Variants in PARN observed in about 807,000 individuals in gnomAD.
The protein encoded by PARN is poly(A)-specific ribonuclease PARN.
In PARN, 71 loss-of-function variants were observed where a neutral mutation model predicts 102.8. The ratio of observed to expected loss-of-function variants is 0.69; its 90% confidence interval spans 0.57 to 0.84. The LOEUF (loss-of-function observed/expected upper bound fraction) is 0.84. Among genes scored for constraint, PARN ranks in the 40% least tolerant of loss-of-function variants. The pLI is 0.00. For synonymous variants in PARN, 261 were observed against 252.9 expected (o/e 1.03, Z -0.30); for missense variants, 782 against 760.9 (o/e 1.03, Z -0.33).
intron 2 of PARN, among the ~76,000 whole-genome samples, 195 bp from the exon 3 acceptor site, chr16:14,628,446 T>C (rs1046154002): frequency 1.3e-5 from 2 of 152,222 alleles, no homozygotes; most frequent in African/African-American, 4.8e-5. Context: ...AACTTAGAGA[T>C]GCGAATGTTT....
At chr16:14,486,528 G>C (rs1963707356) in intron 21 of PARN, among the ~76,000 whole-genome samples, 1 of 152,246 alleles carries the variant, frequency 6.6e-6, no homozygotes, top group Non-Finnish European at 1.5e-5. Flanking sequence ...TCAGCTCCCA[G>C]CTGATAGACA....
intron 1 of PARN, 110 bp downstream of exon 1, chr16:14,629,997 G>A: frequency 1.0e-6 from 1 of 1,001,790 alleles, no homozygotes; most frequent in Non-Finnish European, 1.5e-6. Flanking sequence ...AAAGCCCTGA[G>A]GGGCTGCCTC....
At position 14,628,207 on chromosome 16, in the gene PARN, CA is replaced by C; in HGVS notation, c.141del (p.Phe47LeufsTer38). ...GPSVSALTNG[F>X]DTPEERYQKL... is the part of the protein sequence containing the mutation. ...TTCTGATACCTCTCTTCTGGAGTGT[CA>C]AAACCATTTGTTAATGCAGAGACTG... On this transcript the variant is annotated frameshift_variant, in exon 3 of 24. Transcript: ENST00000437198. LOFTEE classifies it high-confidence loss of function. 2.5e-6 allele frequency: 4 copies of C among 1,607,994 alleles called. No individual in the cohort carries two copies. The highest frequency in any genetic ancestry group is 3.4e-6 in the Non-Finnish European group (4 of 1,175,044).
At chr16:14,565,058 C>T (rs1392953731) in intron 18 of PARN, 1 of 152,176 alleles carries the variant, frequency 6.6e-6, no homozygotes, top group East Asian at 1.9e-4. Flanking sequence ...CTTGGTATTT[C>T]CTTCAGGGCA....
chr16:14,440,492 C>T (rs1188133255), intron 23 of PARN, among the ~76,000 whole-genome samples: 1 of 152,084 alleles, frequency 6.6e-6, no homozygotes, highest in Admixed American at 6.6e-5. Context: ...CCCAGCAACC[C>T]CACTCCTAGA....
At chr16:14,567,123 T>C (rs923622828) in intron 18 of PARN, among the ~76,000 whole-genome samples, 4 of 152,196 alleles carry the variant, frequency 2.6e-5, no homozygotes, top group African/African-American at 9.7e-5. Flanking sequence ...CTTTTTATCA[T>C]GGTAACTTGG....
intron 5 of PARN, among the ~76,000 whole-genome samples, chr16:14,618,644 G>C (rs1391233609): frequency 6.7e-6 from 1 of 148,492 alleles, no homozygotes; most frequent in Non-Finnish European, 1.5e-5. Context: ...AGGCGAGAGA[G>C]CAAGACTGTC....
chr16:14,581,361 T>C (rs948188770), intron 17 of PARN, among the ~76,000 whole-genome samples: 1 of 152,096 alleles, frequency 6.6e-6, no homozygotes. Context: ...CTGTGAAAGG[T>C]ATTCTTACGC....
At chr16:14,597,670 G>A (rs1000467843) in intron 12 of PARN, among the ~76,000 whole-genome samples, 6 of 151,254 alleles carry the variant, frequency 4.0e-5, no homozygotes, top group South Asian at 2.1e-4. Flanking sequence ...GCGCTCCAGC[G>A]TGGGCGACAA....
In PARN at chr16:14,604,188, T is replaced by G. The variant is rs769206017; in HGVS notation, c.741A>C (p.Glu247Asp). ...RYIVISKVDEEERKRREQQKH... is the reference protein window; with the variant it reads ...RYIVISKVDEDERKRREQQKH... ...TCTGCTGCTCTCTTCTTTTGCGTTC[T>G]TCTTCATCTACTTTGCTGATAACTA... is the stretch of plus-strand genomic sequence containing the variant. The change falls in exon 11 of 24, where the codon GAA (glutamate) becomes GAC (aspartate). Residue 247 changes from glutamate (E) to aspartate (D), a missense_variant. Coordinates refer to ENST00000437198, the MANE Select transcript of PARN (RefSeq NM_002582.4). 1 of 1,601,192 alleles carries G rather than the reference T, an allele frequency of 6.2e-7. No individual in the cohort carries two copies. Among genetic ancestry groups the G allele is most frequent in the Admixed American group, 1.7e-5 (1 of 58,244 alleles).
At chr16:14,570,649 CAA>C (rs879863774) in intron 18 of PARN, among the ~76,000 whole-genome samples, 4 of 100,826 alleles carry the variant, frequency 4.0e-5, no homozygotes, top group Admixed American at 1.1e-4. Context: ...GACTCCATCT[CAA>C]AAAAAAAAAA....
chr16:14,471,107 C>T (rs1262928386), intron 22 of PARN, among the ~76,000 whole-genome samples: 4 of 152,140 alleles, frequency 2.6e-5, no homozygotes, highest in African/African-American at 9.7e-5. Context: ...TTAATAAACA[C>T]AATTGTTCTG....
chr16:14,623,924 C>G (rs1002939472), intron 5 of PARN, among the ~76,000 whole-genome samples: 40 of 151,960 alleles, frequency 2.6e-4, no homozygotes, highest in African/African-American at 7.7e-4. Context: ...TATAAAATAC[C>G]TTCTATGAAT....
intron 18 of PARN, among the ~76,000 whole-genome samples, chr16:14,571,609 G>A (rs1301271871): frequency 1.3e-5 from 2 of 148,992 alleles, no homozygotes; most frequent in East Asian, 4.0e-4. Context: ...CAAACCAACA[G>A]CCCTCCTTCT....
At chr16:14,597,106 G>A (rs971962707) in intron 12 of PARN, among the ~76,000 whole-genome samples, 1 of 151,866 alleles carries the variant, frequency 6.6e-6, no homozygotes, top group Admixed American at 6.6e-5. Flanking sequence ...CTTTATAGAA[G>A]AATTCCAAGA....
chr16:14,542,158 C>A (rs1966845172), intron 21 of PARN, among the ~76,000 whole-genome samples: 1 of 151,992 alleles, frequency 6.6e-6, no homozygotes, highest in African/African-American at 2.4e-5. Flanking sequence ...GTACATGCCA[C>A]CATGCCTGAC....
chr16:14,500,756 G>A (rs1460549133), intron 21 of PARN, among the ~76,000 whole-genome samples: 1 of 152,098 alleles, frequency 6.6e-6, no homozygotes, highest in East Asian at 1.9e-4. Flanking sequence ...GAAAAAAAAA[G>A]TACCTGAAAG....
intron 12 of PARN, among the ~76,000 whole-genome samples, chr16:14,595,161 G>C (rs1471064826): frequency 6.6e-6 from 1 of 152,212 alleles, no homozygotes; most frequent in Non-Finnish European, 1.5e-5. Flanking sequence ...TGGGTTAGTA[G>C]CTCTGAAGCT....
intron 13 of PARN, among the ~76,000 whole-genome samples, chr16:14,590,650 A>G (rs534880812): frequency 3.9e-5 from 6 of 152,030 alleles, no homozygotes; most frequent in African/African-American, 7.2e-5. Context: ...AAAAAAAAAA[A>G]AAAGAAATGC....
Sources: gnomAD v4.1 joint callset for allele counts (sites outside exome capture counted in the v4.1 genomes callset) on GRCh38, gnomAD v4.1.1 for gene constraint, MANE v1.5 for transcripts, NCBI Gene and HGNC (gene_info 2026-07-23, HGNC 2026-07-21) for gene names.